The following PRKCB variants were observed in gnomAD, a reference collection of about 807,000 sequenced individuals.
PRKCB encodes the protein protein kinase C beta.
In PRKCB, 13 loss-of-function variants were observed where a neutral mutation model predicts 81.5. The ratio of observed to expected loss-of-function variants is 0.16; its 90% CI spans 0.10 to 0.25. The LOEUF (loss-of-function observed/expected upper bound fraction) is 0.25. Ranked by LOEUF, PRKCB falls within the 10% of genes least tolerant of loss-of-function variation. PRKCB has a pLI of 1.00. For missense variants in PRKCB, 509 were observed against 875.7 expected, an observed-to-expected ratio of 0.58 and a Z score of 5.29; for synonymous variants, 335 against 321.4, an observed-to-expected ratio of 1.04 and a Z score of -0.45.
intron 5 of PRKCB, among the ~76,000 whole-genome samples, chr16:24,072,825 A>G (rs909610579): frequency 6.6e-6 from 1 of 151,230 alleles, no homozygotes; most frequent in South Asian, 2.1e-4. Context: ...GAGGTGATCC[A>G]CCCGCCTCAG....
intron 2 of PRKCB, among the ~76,000 whole-genome samples, chr16:23,916,737 T>C (rs1204288182): frequency 6.6e-6 from 1 of 152,228 alleles, no homozygotes; most frequent in African/African-American, 2.4e-5. Flanking sequence ...TTGGTGTTTG[T>C]TCCATGTCAG....
At chr16:24,146,115 A>C (rs1966985537) in intron 9 of PRKCB, among the ~76,000 whole-genome samples, 1 of 152,192 alleles carries the variant, frequency 6.6e-6, no homozygotes, top group African/African-American at 2.4e-5. Flanking sequence ...AGGGAGTGCC[A>C]ACGGTAGCTG....
rs1327962251 is a variant in PRKCB, at chr16:24,076,916, G to A, written c.530-15875G>A. ...ATCGGATTTGTATTTGCATCTCAGT[G>A]TAGTCAGACATTCTTCCAGAACACT... On this transcript the variant is annotated intron_variant, in intron 5 of 16. Transcript: ENST00000643927. Among the ~76,000 whole-genome samples the A allele has an allele frequency of 2.0e-5, 3 of 152,304 alleles. No individual in the cohort carries two copies. The East Asian group carries it at 5.8e-4, about 29-fold the overall frequency.
intron 5 of PRKCB, among the ~76,000 whole-genome samples, chr16:24,092,405 T>C (rs372997491): frequency 4.6e-5 from 7 of 152,352 alleles, no homozygotes; most frequent in East Asian, 3.9e-4. Flanking sequence ...ATCTATACAA[T>C]GGAATATTAT....
chr16:23,852,100 G>A (rs1962482619), intron 2 of PRKCB, among the ~76,000 whole-genome samples: 1 of 152,124 alleles, frequency 6.6e-6, no homozygotes, highest in Non-Finnish European at 1.5e-5. Flanking sequence ...CTATTAGGAT[G>A]CCTTTTATTT....
chr16:24,105,006 T>G (rs1432971274), intron 7 of PRKCB, among the ~76,000 whole-genome samples: 1 of 152,148 alleles, frequency 6.6e-6, no homozygotes, highest in Non-Finnish European at 1.5e-5. Context: ...CTTTTATGTC[T>G]AATCTTTCTA....
At chr16:24,050,490 C>T (rs1965827343) in intron 5 of PRKCB, among the ~76,000 whole-genome samples, 1 of 149,548 alleles carries the variant, frequency 6.7e-6, no homozygotes, top group African/African-American at 2.5e-5. Context: ...CACACACACA[C>T]ACTGCACAAA....
At chr16:24,169,443 G>A (rs887831229) in intron 10 of PRKCB, among the ~76,000 whole-genome samples, 9 of 152,024 alleles carry the variant, frequency 5.9e-5, no homozygotes, top group Non-Finnish European at 1.2e-4. Context: ...TACATGATGC[G>A]TCCCTCAGCA....
rs1222298257 is a variant in PRKCB, at chr16:24,191,129, C to G, written c.1762C>G (p.Pro588Ala). Reference sequence around the variant, plus strand: ...CCCAGGCAAACGTCTGGGTTGTGGACCTGAAGGCGAACGTGATATCAAAGA... The same window carrying G: ...CCCAGGCAAACGTCTGGGTTGTGGAGCTGAAGGCGAACGTGATATCAAAGA... ...KHPGKRLGCG[P>A]EGERDIKEHA... Residue 588 changes from proline to alanine, a missense_variant, in exon 16 of 17, where the codon CCT becomes GCT. Pro to Ala is a conservative substitution (Grantham distance 27, BLOSUM62 -1). Around this residue, in one of 6 missense-constraint regions of PRKCB, gnomAD observed 104 missense variants for 160.5 expected, o/e 0.65. Transcript: ENST00000643927. 6.2e-7 allele frequency: 1 copy of G among 1,613,990 alleles called. No individual in the cohort carries two copies. The highest frequency in any genetic ancestry group is 2.2e-5 in the East Asian group (1 of 44,870).
intron 2 of PRKCB, among the ~76,000 whole-genome samples, chr16:23,974,623 C>T (rs777631463): frequency 1.3e-5 from 2 of 152,190 alleles, no homozygotes; most frequent in Non-Finnish European, 2.9e-5. Context: ...GGTGACCATC[C>T]TTTGGGGATG....
In PRKCB at chr16:23,984,561, T is replaced by C. The variant is rs80173190; in HGVS notation, c.206-3947T>C. On this transcript the variant is annotated intron_variant, in intron 2 of 16. Coordinates refer to ENST00000643927, the MANE Select transcript of PRKCB (RefSeq NM_002738.7). ...TAAATATAATCATAATCTGCTTCTT[T>C]AACATGATAGAAAGATAAAAATAGA... Among the ~76,000 whole-genome samples the C allele has an allele frequency of 4.7e-3, 710 of 152,142 alleles. 16 individuals are homozygous for C. In the East Asian group the frequency reaches 0.049, roughly 11 times the overall value.
chr16:23,886,579 A>C (rs1963206875), intron 2 of PRKCB, among the ~76,000 whole-genome samples: 1 of 151,518 alleles, frequency 6.6e-6, no homozygotes, highest in African/African-American at 2.4e-5. Context: ...CGCCTGACTA[A>C]TTTTTGTATT....
intron 2 of PRKCB, among the ~76,000 whole-genome samples, chr16:23,966,090 C>G (rs1567328409): frequency 6.6e-6 from 1 of 152,208 alleles, no homozygotes; most frequent in Non-Finnish European, 1.5e-5. Context: ...GCTCTTGAAG[C>G]ACCTTCTGAG....
At chr16:24,183,348 A>G (rs1967657002) in intron 13 of PRKCB, among the ~76,000 whole-genome samples, 1 of 152,194 alleles carries the variant, frequency 6.6e-6, no homozygotes, top group African/African-American at 2.4e-5. Flanking sequence ...TATGGTAAAA[A>G]CACTTAAAAA....
intron 16 of PRKCB, among the ~76,000 whole-genome samples, chr16:24,209,257 G>A (rs967647574): frequency 6.6e-6 from 1 of 152,122 alleles, no homozygotes; most frequent in African/African-American, 2.4e-5. Context: ...ACACCAGGAT[G>A]CCATACCAGC....
At chr16:24,161,315 A>G (rs1044482377) in intron 10 of PRKCB, among the ~76,000 whole-genome samples, 2 of 152,242 alleles carry the variant, frequency 1.3e-5, no homozygotes, top group African/African-American at 4.8e-5. Flanking sequence ...CACGGTGTTA[A>G]CAGAAAATGT....
intron 13 of PRKCB, 116 bp from the exon 14 acceptor site, chr16:24,184,995 A>C: frequency 3.6e-6 from 3 of 842,956 alleles, no homozygotes; most frequent in Admixed American, 4.3e-5. Flanking sequence ...CTGAATAGCT[A>C]ATATAAAGAA....
At chr16:23,927,087 G>A (rs1006197512) in intron 2 of PRKCB, among the ~76,000 whole-genome samples, 1 of 152,130 alleles carries the variant, frequency 6.6e-6, no homozygotes, top group Non-Finnish European at 1.5e-5. Context: ...AACCAGGCAG[G>A]TGCCTGTACG....
At chr16:23,904,136 C>T (rs191685139) in intron 2 of PRKCB, among the ~76,000 whole-genome samples, 41 of 152,256 alleles carry the variant, frequency 2.7e-4, no homozygotes, top group African/African-American at 9.9e-4. Flanking sequence ...GGGGGTGTGT[C>T]TACCTTGTTC....
Sources: allele counts gnomAD v4.1 joint callset (sites outside exome capture counted in the v4.1 genomes callset), GRCh38; gene constraint gnomAD v4.1.1; regional missense constraint gnomAD v4.1.1; transcripts MANE v1.5; gene names NCBI Gene and HGNC (gene_info 2026-07-23, HGNC 2026-07-21).